Variants in KPNA1 observed in about 807,000 individuals in gnomAD.
The protein encoded by KPNA1 is karyopherin subunit alpha 1.
A neutral mutation model predicts 70.5 loss-of-function variants in KPNA1; 10 were observed. The ratio of observed to expected loss-of-function variants is 0.14; its 90% CI spans 0.09 to 0.24. The LOEUF is 0.24. Among genes scored for constraint, KPNA1 ranks in the 10% least tolerant of loss-of-function variants. KPNA1 has a pLI of 1.00. For synonymous variants in KPNA1, 192 were observed against 221.9 expected (o/e 0.87, Z 1.20); for missense variants, 397 against 637.9 (o/e 0.62, Z 4.07).
intron 1 of KPNA1, among the ~76,000 whole-genome samples, chr3:122,501,397 T>A (rs2076828070): frequency 6.6e-6 from 1 of 152,206 alleles, no homozygotes; most frequent in South Asian, 2.1e-4. Flanking sequence ...TATCCCTAAG[T>A]ATTCCTACAC....
rs2075772334 is a variant in KPNA1 at position 122,422,276 on chromosome 3, T to C, written c.*4709A>G. 1.3e-5 allele frequency: 2 copies of C among 151,102 alleles called. No individual in the cohort carries two copies. The highest frequency in any genetic ancestry group is 2.4e-5 in the African/African-American group (1 of 41,082). The allele number at this position is 151,102 out of a possible 1,614,324, so 9.4% of individuals were successfully genotyped here. ...AGCCTTTCCTTCCGTGTCAATACTT[T>C]CCACATTTGTGCGTTTGAATGGATC... On this transcript the variant is annotated 3_prime_UTR_variant, in exon 14 of 14. Transcript: ENST00000344337.
rs1483873435 is a variant in KPNA1, at chr3:122,423,241, A to C, written c.*3744T>G. The C allele has an allele frequency of 6.6e-6, 1 of 152,214 alleles. No homozygotes were observed. Among genetic ancestry groups the C allele is most frequent in the East Asian group, 1.9e-4 (1 of 5,200 alleles). The allele number at this position is 152,214 out of a possible 1,614,324, so 9.4% of individuals were successfully genotyped here. ...GAAAAGATAGACCAAAATATTTCCC[A>C]ACCTGGCAGATATATACTTAATCTG... is the stretch of plus-strand genomic sequence containing the variant. On this transcript the variant is annotated 3_prime_UTR_variant, in exon 14 of 14. Transcript: ENST00000344337.
At chr3:122,443,876 T>C (rs536003514) in intron 9 of KPNA1, among the ~76,000 whole-genome samples, 24 of 152,316 alleles carry the variant, frequency 1.6e-4, no homozygotes, top group East Asian at 1.2e-3. Flanking sequence ...CATGTCCCAC[T>C]GTACACCCAT....
At chr3:122,443,295 G>A (rs2076090994) in intron 9 of KPNA1, 1 of 152,380 alleles carries the variant, frequency 6.6e-6, no homozygotes, top group African/African-American at 2.4e-5. Context: ...AAACAAAGCA[G>A]CCAGAAAGCT....
chr3:122,513,601 C>T lies in KPNA1; in HGVS notation c.-6+1156G>A, dbSNP rs1381861816. ...GGAGGATGCCTTGAGGCCAGGAGTT[C>T]CAGATCAGCCCGGGAAACAAAGCAA... On this transcript the variant is annotated intron_variant, in intron 1 of 13. Transcript: ENST00000344337. Among the ~76,000 whole-genome samples, 6 of 151,816 alleles carry T rather than the reference C, an allele frequency of 4.0e-5. No homozygotes were observed. The East Asian group carries it at 9.7e-4, about 24-fold the overall frequency.
chr3:122,475,030 T>C (rs575527797), intron 2 of KPNA1, among the ~76,000 whole-genome samples: 2 of 152,136 alleles, frequency 1.3e-5, no homozygotes, highest in Admixed American at 1.3e-4. Flanking sequence ...GAGAAAGAAA[T>C]AAAAGGCATC....
At chr3:122,469,367 G>A (rs1199781327) in intron 2 of KPNA1, among the ~76,000 whole-genome samples, 1 of 152,112 alleles carries the variant, frequency 6.6e-6, no homozygotes, top group Non-Finnish European at 1.5e-5. Flanking sequence ...CCTAGATTAA[G>A]TAAATTTACT....
intron 5 of KPNA1, among the ~76,000 whole-genome samples, chr3:122,454,309 A>C (rs923485241): frequency 6.6e-6 from 1 of 152,250 alleles, no homozygotes; most frequent in Non-Finnish European, 1.5e-5. Context: ...AACAAAATGC[A>C]AACAGTGTAC....
At chr3:122,429,526 G>GAT (rs2075872018) in intron 12 of KPNA1, among the ~76,000 whole-genome samples, 1 of 149,086 alleles carries the variant, frequency 6.7e-6, no homozygotes, top group Non-Finnish European at 1.5e-5. Context: ...TGTACAACAG[G>GAT]ATATATATGA....
intron 12 of KPNA1, among the ~76,000 whole-genome samples, chr3:122,431,951 A>C (rs2075916202): frequency 6.6e-6 from 1 of 151,762 alleles, no homozygotes; most frequent in African/African-American, 2.4e-5. Flanking sequence ...TTACGGGTGC[A>C]CGCCACCACA....
In KPNA1 at chr3:122,422,201, G is replaced by A. The variant is rs1464566225; in HGVS notation, c.*4784C>T. On this transcript the variant is annotated 3_prime_UTR_variant, in exon 14 of 14. Coordinates refer to ENST00000344337, the MANE Select transcript of KPNA1 (RefSeq NM_002264.4). ...ATATTCCTTTAGGAAGAAGTAGACT[G>A]TGTTAAATTCGCATCCATGGCACTG... 6.6e-6 allele frequency: 1 copy of A among 152,168 alleles called. No homozygotes were observed. The highest frequency in any genetic ancestry group is 1.5e-5 in the Non-Finnish European group (1 of 68,040). 9.4% of individuals were successfully genotyped at this position (152,168 alleles called of 1,614,324 possible).
At chr3:122,512,968 G>A (rs1439898302) in intron 1 of KPNA1, among the ~76,000 whole-genome samples, 1 of 152,120 alleles carries the variant, frequency 6.6e-6, no homozygotes, top group Admixed American at 6.5e-5. Flanking sequence ...TGTAATATTA[G>A]CTTTCCCTGC....
At chr3:122,465,601 CAAAGGAAAGTTGT>C (rs2076371150) in intron 3 of KPNA1, among the ~76,000 whole-genome samples, 1 of 152,300 alleles carries the variant, frequency 6.6e-6, no homozygotes, top group East Asian at 1.9e-4. Flanking sequence ...TTTAGTTGCA[CAAAGGAAAGTTGT>C]AATCTGGCTG....
At chr3:122,486,033 G>A (rs2076625314) in intron 2 of KPNA1, among the ~76,000 whole-genome samples, 1 of 152,144 alleles carries the variant, frequency 6.6e-6, no homozygotes, top group Non-Finnish European at 1.5e-5. Context: ...CTGCTCATGG[G>A]AAGGTAAAAT....
intron 2 of KPNA1, among the ~76,000 whole-genome samples, chr3:122,494,998 T>A (rs1480290824): frequency 6.6e-6 from 1 of 152,036 alleles, no homozygotes; most frequent in Non-Finnish European, 1.5e-5. Flanking sequence ...ATTCCTGTAA[T>A]CCCAGCACTT....
At chr3:122,492,600 G>A (rs934566092) in intron 2 of KPNA1, among the ~76,000 whole-genome samples, 22 of 152,156 alleles carry the variant, frequency 1.4e-4, no homozygotes, top group African/African-American at 5.3e-4. Context: ...ACACTTACAT[G>A]TCTCAATTTG....
At chr3:122,511,873 GCA>G (rs1472692448) in intron 1 of KPNA1, among the ~76,000 whole-genome samples, 4 of 152,152 alleles carry the variant, frequency 2.6e-5, no homozygotes, top group Non-Finnish European at 5.9e-5. Context: ...AGACTTAAAA[GCA>G]CAGACATCAT....
At chr3:122,510,690 T>C (rs2076945741) in intron 1 of KPNA1, among the ~76,000 whole-genome samples, 1 of 152,138 alleles carries the variant, frequency 6.6e-6, no homozygotes, top group African/African-American at 2.4e-5. Context: ...ATATCTATAA[T>C]TGCTATATCA....
intron 2 of KPNA1, among the ~76,000 whole-genome samples, chr3:122,477,366 T>C (rs1441218290): frequency 6.6e-6 from 1 of 152,170 alleles, no homozygotes; most frequent in Non-Finnish European, 1.5e-5. Flanking sequence ...ACATGGTGAC[T>C]ATAGTTCATA....
Sources: allele counts gnomAD v4.1 joint callset (sites outside exome capture counted in the v4.1 genomes callset), GRCh38; gene constraint gnomAD v4.1.1; transcripts MANE v1.5; gene names NCBI Gene and HGNC (gene_info 2026-07-23, HGNC 2026-07-21).